Variants in TAFA5 observed in about 807,000 individuals in gnomAD.
TAFA5 encodes the protein chemokine-like protein TAFA-5.
TAFA5 carries 6 observed loss-of-function variants against 15.3 expected under a neutral mutation model. That is an observed-to-expected ratio of 0.39 (90% CI 0.21 to 0.77). TAFA5 has a LOEUF of 0.77. TAFA5 is among the 30% of genes least tolerant of loss of function. The probability of loss-of-function intolerance (pLI) is 0.41; values close to 1 mark genes in which losing one functional copy is unlikely to be tolerated. For synonymous variants in TAFA5, 103 were observed against 80.7 expected, an observed-to-expected ratio of 1.28 and a Z score of -1.48; for missense variants, 161 against 193.1, an observed-to-expected ratio of 0.83 and a Z score of 0.98.
At chr22:48,592,804 A>C (rs1263508538) in intron 1 of TAFA5, among the ~76,000 whole-genome samples, 1 of 152,210 alleles carries the variant, frequency 6.6e-6, no homozygotes, top group Non-Finnish European at 1.5e-5. Flanking sequence ...TTTCTGGGGC[A>C]TTTGTAGGAG....
At chr22:48,713,122 T>TACC (rs1449124284) in intron 3 of TAFA5, among the ~76,000 whole-genome samples, 2 of 152,260 alleles carry the variant, frequency 1.3e-5, no homozygotes, top group African/African-American at 4.8e-5. Flanking sequence ...CGCTATTGAG[T>TACC]ACCACCTTCT....
At chr22:48,674,713 C>T (rs553670857) in intron 2 of TAFA5, among the ~76,000 whole-genome samples, 12 of 152,150 alleles carry the variant, frequency 7.9e-5, no homozygotes, top group African/African-American at 2.2e-4. Context: ...AGGGAGACGC[C>T]GTGGGGAGGG....
intron 2 of TAFA5, among the ~76,000 whole-genome samples, chr22:48,660,531 A>T (rs1453731205): frequency 6.6e-6 from 1 of 152,232 alleles, no homozygotes; most frequent in African/African-American, 2.4e-5. Context: ...AATTCTTTCC[A>T]GCCGATAAAA....
At chr22:48,639,294 G>T (rs1926590174) in intron 1 of TAFA5, among the ~76,000 whole-genome samples, 1 of 152,232 alleles carries the variant, frequency 6.6e-6, no homozygotes, top group Non-Finnish European at 1.5e-5. Context: ...GGCCTGCGGG[G>T]CCCCTCAGCT....
At chr22:48,672,683 C>T (rs1927838703) in intron 2 of TAFA5, among the ~76,000 whole-genome samples, 1 of 152,196 alleles carries the variant, frequency 6.6e-6, no homozygotes, top group Admixed American at 6.5e-5. Context: ...CATGCACCAT[C>T]CTTTTGACCT....
chr22:48,733,425 C>T (rs2147268367), intron 3 of TAFA5, among the ~76,000 whole-genome samples: 1 of 152,306 alleles, frequency 6.6e-6, no homozygotes, highest in East Asian at 1.9e-4. Flanking sequence ...AAATGGAACC[C>T]TCACAGGCAA....
intron 1 of TAFA5, among the ~76,000 whole-genome samples, chr22:48,558,120 G>C (rs1395194559): frequency 6.6e-6 from 1 of 152,206 alleles, no homozygotes; most frequent in Non-Finnish European, 1.5e-5. Flanking sequence ...GGGACTCCCA[G>C]ATGGAGAGCA....
intron 1 of TAFA5, among the ~76,000 whole-genome samples, chr22:48,583,639 C>A (rs1924188629): frequency 6.6e-6 from 1 of 151,628 alleles, no homozygotes; most frequent in Admixed American, 6.6e-5. Context: ...CATACACAAA[C>A]CACACACAAA....
chr22:48,588,359 C>G (rs1317918122), intron 1 of TAFA5, among the ~76,000 whole-genome samples: 1 of 152,202 alleles, frequency 6.6e-6, no homozygotes, highest in African/African-American at 2.4e-5. Context: ...CGGCGGCCGC[C>G]CGAGAACCAG....
chr22:48,674,487 C>T (rs555296422), intron 2 of TAFA5, among the ~76,000 whole-genome samples: 3 of 152,088 alleles, frequency 2.0e-5, no homozygotes, highest in African/African-American at 7.2e-5. Context: ...CCTCAGCCTT[C>T]GAGTTACAGT....
chr22:48,497,335 C>T (rs902646531), intron 1 of TAFA5, among the ~76,000 whole-genome samples: 2 of 152,192 alleles, frequency 1.3e-5, no homozygotes, highest in Admixed American at 6.5e-5. Context: ...TGCTCCGCAG[C>T]CTCGCTGCTG....
intron 3 of TAFA5, among the ~76,000 whole-genome samples, chr22:48,734,836 G>A (rs922834168): frequency 1.3e-5 from 2 of 152,180 alleles, no homozygotes; most frequent in African/African-American, 2.4e-5. Flanking sequence ...GGGAAAATCA[G>A]CTTTGGATTT....
intron 2 of TAFA5, among the ~76,000 whole-genome samples, chr22:48,655,531 C>A (rs1927205988): frequency 6.6e-6 from 1 of 152,176 alleles, no homozygotes; most frequent in Admixed American, 6.5e-5. Context: ...GGGGGCCAGG[C>A]TCCCGCAGTC....
At chr22:48,637,468 C>T (rs919022388) in intron 1 of TAFA5, among the ~76,000 whole-genome samples, 1 of 152,216 alleles carries the variant, frequency 6.6e-6, no homozygotes, top group African/African-American at 2.4e-5. Flanking sequence ...TCGGTCCACA[C>T]TGGCTGGCTA....
At chr22:48,731,038 A>T (rs1929855763) in intron 3 of TAFA5, among the ~76,000 whole-genome samples, 1 of 152,228 alleles carries the variant, frequency 6.6e-6, no homozygotes, top group Non-Finnish European at 1.5e-5. Context: ...AGGATAAATT[A>T]TTGAAGATAA....
chr22:48,542,448 T>G, intron 1 of TAFA5, among the ~76,000 whole-genome samples: 1 of 118,386 alleles, frequency 8.4e-6, no homozygotes, highest in African/African-American at 3.4e-5. Context: ...GTGTGTGGTG[T>G]ATGTGCGGGT....
intron 1 of TAFA5, among the ~76,000 whole-genome samples, chr22:48,555,896 C>T (rs1923020982): frequency 6.6e-6 from 1 of 152,186 alleles, no homozygotes; most frequent in Non-Finnish European, 1.5e-5. Context: ...TGGGCCTGGC[C>T]TTGGGTGGTG....
At chr22:48,589,904 T>C (rs1440437012) in intron 1 of TAFA5, among the ~76,000 whole-genome samples, 1 of 151,870 alleles carries the variant, frequency 6.6e-6, no homozygotes, top group Non-Finnish European at 1.5e-5. Context: ...AGCCACGAGT[T>C]TGTGGTGGTT....
intron 1 of TAFA5, among the ~76,000 whole-genome samples, chr22:48,593,433 G>A (rs950327066): frequency 2.6e-5 from 4 of 152,092 alleles, no homozygotes; most frequent in African/African-American, 4.8e-5. Flanking sequence ...AGACTGCTGT[G>A]GGCCTGGCAC....
Sources: gnomAD v4.1 joint callset for allele counts (sites outside exome capture counted in the v4.1 genomes callset) on GRCh38, gnomAD v4.1.1 for gene constraint, MANE v1.5 for transcripts, NCBI Gene and HGNC (gene_info 2026-07-23, HGNC 2026-07-21) for gene names.